Variants in MAN2A1 observed in about 807,000 individuals in gnomAD.
MAN2A1 encodes the protein alpha-mannosidase 2.
Under a neutral mutation model 142.6 loss-of-function variants are expected in MAN2A1, and 76 were observed. The ratio of observed to expected loss-of-function variants is 0.53; its 90% CI spans 0.44 to 0.65. MAN2A1 has a LOEUF of 0.65. MAN2A1 is among the 30% of genes least tolerant of loss of function. The pLI, the probability that MAN2A1 is intolerant of heterozygous loss-of-function variation, is 0.00. For missense variants in MAN2A1, 1,311 were observed against 1,365.1 expected, an observed-to-expected ratio of 0.96 and a Z score of 0.62; for synonymous variants, 559 against 473.2, an observed-to-expected ratio of 1.18 and a Z score of -2.35.
chr5:109,712,144 C>T (rs1255175291), intron 1 of MAN2A1, among the ~76,000 whole-genome samples: 3 of 149,304 alleles, frequency 2.0e-5, no homozygotes, highest in Non-Finnish European at 4.4e-5. Flanking sequence ...CTTCGGACTT[C>T]TGCCAATTCT....
In MAN2A1 at chr5:109,781,401, G is replaced by T. The variant is rs760579708; in HGVS notation, c.1380G>T (p.Gln460His). Reference protein sequence around the residue: ...NSQSKFKVKIQFGTLSDFFDA... With the variant: ...NSQSKFKVKIHFGTLSDFFDA... ...GTGCATTTTTTTAAAACTAGATACA[G>T]TTTGGAACTTTATCAGATTTTTTTG... Residue 460 changes from glutamine to histidine, a missense_variant, in exon 9 of 22, where the codon CAG (glutamine) becomes CAT (histidine). By Grantham distance (24) the Gln-to-His change is conservative. This residue lies in a region of MAN2A1 where 890 missense variants were observed against 920.5 expected (regional missense o/e 0.97). Transcript: ENST00000261483. 1 of 1,600,244 alleles carries T rather than the reference G, an allele frequency of 6.2e-7. No individual in the cohort carries two copies. Among genetic ancestry groups the T allele is most frequent in the Non-Finnish European group, 8.5e-7 (1 of 1,174,998 alleles).
intron 16 of MAN2A1, among the ~76,000 whole-genome samples, chr5:109,833,611 A>T (rs1482263375): frequency 6.9e-6 from 1 of 144,564 alleles, no homozygotes; most frequent in Non-Finnish European, 1.5e-5. Context: ...GTGAGCCGAG[A>T]TGGCAGCACT....
chr5:109,847,753 T>G lies in MAN2A1; in HGVS notation c.2939T>G (p.Phe980Cys). 1 of 1,595,266 alleles carries G rather than the reference T, an allele frequency of 6.3e-7. No homozygotes were observed. Among genetic ancestry groups the G allele is most frequent in the Non-Finnish European group, 8.5e-7 (1 of 1,171,378 alleles). The change falls in exon 19 of 22, where the codon TTT (phenylalanine) becomes TGT (cysteine). Residue 980 changes from phenylalanine (F) to cysteine (C), a missense_variant. Phe to Cys is a radical substitution (Grantham distance 205). Coordinates refer to ENST00000261483, the MANE Select transcript of MAN2A1 (RefSeq NM_002372.4). ...IQDNKITANL[F>C]RILLEKRSAV... Reference sequence around the variant, plus strand: ...GATAACAAGATTACAGCTAATCTATTTCGAATACTACTAGAAAAAAGAAGT... The same window carrying G: ...GATAACAAGATTACAGCTAATCTATGTCGAATACTACTAGAAAAAAGAAGT...
intron 15 of MAN2A1, among the ~76,000 whole-genome samples, chr5:109,822,879 A>G (rs1043214562): frequency 1.4e-4 from 21 of 152,162 alleles, no homozygotes; most frequent in East Asian, 1.9e-4. Flanking sequence ...GGGTTTCACC[A>G]TGTTAGCCAG....
chr5:109,775,052 G>T (rs1753246763), intron 8 of MAN2A1, 87 bp downstream of exon 8: 2 of 866,792 alleles, frequency 2.3e-6, no homozygotes, highest in Non-Finnish European at 3.5e-6. Flanking sequence ...TAGCTTCTTT[G>T]TCCTACATCA....
intron 17 of MAN2A1, among the ~76,000 whole-genome samples, chr5:109,844,222 T>C (rs1029649200): frequency 4.6e-5 from 7 of 152,206 alleles, no homozygotes; most frequent in Non-Finnish European, 1.0e-4. Context: ...AATTTTCTTT[T>C]TGAGGATGGA....
intron 11 of MAN2A1, 47 bp from the exon 12 acceptor site, chr5:109,789,413 C>A (rs760828460): frequency 1.8e-6 from 2 of 1,102,456 alleles, no homozygotes; most frequent in South Asian, 1.4e-5. Context: ...CAGGATGAGT[C>A]CATGGAGTGT....
At chr5:109,850,641 T>C (rs1442667831) in intron 19 of MAN2A1, among the ~76,000 whole-genome samples, 2 of 152,186 alleles carry the variant, frequency 1.3e-5, no homozygotes, top group Admixed American at 6.6e-5. Flanking sequence ...TGAAAAAGTT[T>C]CTCGCTTATA....
At chr5:109,716,663 G>C (rs1751460877) in intron 3 of MAN2A1, among the ~76,000 whole-genome samples, 1 of 152,192 alleles carries the variant, frequency 6.6e-6, no homozygotes, top group South Asian at 2.1e-4. Flanking sequence ...TTAAAATAAA[G>C]AAGCAGTATT....
chr5:109,866,605 G>A (rs990817175), intron 21 of MAN2A1, among the ~76,000 whole-genome samples: 8 of 152,170 alleles, frequency 5.3e-5, no homozygotes, highest in African/African-American at 9.6e-5. Context: ...CCTTCCAAGC[G>A]TAGTCTGTAT....
intron 3 of MAN2A1, among the ~76,000 whole-genome samples, chr5:109,722,663 G>A (rs182308306): frequency 5.9e-5 from 9 of 152,160 alleles, no homozygotes; most frequent in Non-Finnish European, 8.8e-5. Flanking sequence ...TGATCCGTCC[G>A]CCTTGGCCTC....
chr5:109,777,535 C>T (rs1464776545), intron 8 of MAN2A1, among the ~76,000 whole-genome samples: 1 of 151,990 alleles, frequency 6.6e-6, no homozygotes, highest in East Asian at 1.9e-4. Flanking sequence ...CTTTCTCATG[C>T]TGTCTTTTGA....
intron 12 of MAN2A1, among the ~76,000 whole-genome samples, chr5:109,809,784 A>T (rs767364056): frequency 2.2e-4 from 33 of 152,064 alleles, no homozygotes; most frequent in Admixed American, 5.2e-4. Flanking sequence ...TAGTTTTGGG[A>T]AATTCTCAGC....
At chr5:109,716,717 C>T (rs879628526) in intron 3 of MAN2A1, among the ~76,000 whole-genome samples, 7 of 152,124 alleles carry the variant, frequency 4.6e-5, no homozygotes, top group Non-Finnish European at 8.8e-5. Context: ...CAGGCACATA[C>T]GAATGTGAGT....
chr5:109,784,409 G>T (rs745823076), intron 9 of MAN2A1, among the ~76,000 whole-genome samples: 2 of 152,126 alleles, frequency 1.3e-5, no homozygotes, highest in African/African-American at 2.4e-5. Context: ...AAAGGACAGA[G>T]AAATTTATCC....
At chr5:109,757,536 G>A (rs1371970742) in intron 5 of MAN2A1, among the ~76,000 whole-genome samples, 2 of 151,938 alleles carry the variant, frequency 1.3e-5, no homozygotes, top group Non-Finnish European at 1.5e-5. Flanking sequence ...TATTATTTTG[G>A]GTCTTGTGTC....
chr5:109,750,944 T>C (rs1399552656), intron 4 of MAN2A1, among the ~76,000 whole-genome samples: 1 of 152,094 alleles, frequency 6.6e-6, no homozygotes, highest in Non-Finnish European at 1.5e-5. Context: ...GGTTGGGGCG[T>C]CCATCACCTT....
At chr5:109,846,569 TCTTTCTATTGAGAGG>T (rs1163488594) in intron 18 of MAN2A1, among the ~76,000 whole-genome samples, 15 of 152,346 alleles carry the variant, frequency 9.8e-5, no homozygotes, top group Admixed American at 9.8e-4. Context: ...TTTTTGCAAG[TCTTTCTATTGAGAGG>T]CTTTGATCCT....
chr5:109,696,168 T>G (rs1275881036), intron 1 of MAN2A1, among the ~76,000 whole-genome samples: 1 of 152,012 alleles, frequency 6.6e-6, no homozygotes, highest in East Asian at 1.9e-4. Flanking sequence ...TGGTGCAATC[T>G]CAGCTCACTG....
Sources: gnomAD v4.1 joint callset for allele counts (sites outside exome capture counted in the v4.1 genomes callset) on GRCh38, gnomAD v4.1.1 for gene constraint, gnomAD v4.1.1 regional missense constraint, MANE v1.5 for transcripts, NCBI Gene and HGNC (gene_info 2026-07-23, HGNC 2026-07-21) for gene names.